ZNF385B: variants seen among roughly 807,000 people sequenced by gnomAD.
ZNF385B encodes the protein zinc finger protein 533.
ZNF385B carries 23 observed loss-of-function variants against 39.2 expected under a neutral mutation model. That is an observed-to-expected ratio of 0.59 (90% CI 0.42 to 0.83). The LOEUF is 0.83. Among genes scored for constraint, ZNF385B ranks in the 40% least tolerant of loss-of-function variants. The probability of loss-of-function intolerance (pLI) is 0.00; values close to 1 mark genes in which losing one functional copy is unlikely to be tolerated. For missense variants in ZNF385B, 552 were observed against 598.9 expected (o/e 0.92, Z 0.82); for synonymous variants, 205 against 222.6 (o/e 0.92, Z 0.70).
intron 3 of ZNF385B, among the ~76,000 whole-genome samples, chr2:179,661,642 G>A (rs573389976): frequency 1.3e-5 from 2 of 152,108 alleles, no homozygotes; most frequent in Non-Finnish European, 2.9e-5. Context: ...TCTAGGATGA[G>A]GATAATATCC....
intron 3 of ZNF385B, among the ~76,000 whole-genome samples, chr2:179,551,177 C>G (rs2060542019): frequency 6.6e-6 from 1 of 151,930 alleles, no homozygotes; most frequent in Non-Finnish European, 1.5e-5. Flanking sequence ...GGGTGCCGCC[C>G]TATTTGATAA....
At position 179,525,928 on chromosome 2, in the gene ZNF385B, T is replaced by A. The variant is rs542863589; in HGVS notation, c.442-7290A>T. Among the ~76,000 whole-genome samples the A allele has an allele frequency of 9.2e-5, 14 of 152,252 alleles. No individual in the cohort carries two copies. In the South Asian group the frequency reaches 2.9e-3, roughly 32 times the overall value. ...TTACTTTTTAAAAATCCTTGAAAAC[T>A]TCAATAGAAAGAAAACAGATACAGC... On this transcript the variant is annotated intron_variant, in intron 4 of 9. Coordinates refer to ENST00000410066, the MANE Select transcript of ZNF385B (RefSeq NM_152520.6).
intron 3 of ZNF385B, among the ~76,000 whole-genome samples, chr2:179,719,416 C>A (rs1446520759): frequency 6.6e-6 from 1 of 152,190 alleles, no homozygotes; most frequent in Non-Finnish European, 1.5e-5. Context: ...ATTACAAATA[C>A]ATCATGCTCC....
At chr2:179,583,278 G>A (rs1171858166) in intron 3 of ZNF385B, among the ~76,000 whole-genome samples, 2 of 152,102 alleles carry the variant, frequency 1.3e-5, no homozygotes, top group African/African-American at 4.8e-5. Flanking sequence ...AAGCAATCCT[G>A]TATTTCAGAC....
chr2:179,586,582 G>C (rs1163401159), intron 3 of ZNF385B, among the ~76,000 whole-genome samples: 1 of 152,204 alleles, frequency 6.6e-6, no homozygotes, highest in Admixed American at 6.5e-5. Context: ...GTTATATTCG[G>C]CTGCCACCCC....
intron 3 of ZNF385B, among the ~76,000 whole-genome samples, chr2:179,700,360 T>A (rs944181009): frequency 1.3e-5 from 2 of 152,160 alleles, no homozygotes; most frequent in Non-Finnish European, 2.9e-5. Context: ...ATCTAACTTT[T>A]CCAATGCCTG....
chr2:179,448,470 A>T (rs962430776), intron 6 of ZNF385B, among the ~76,000 whole-genome samples: 1 of 152,150 alleles, frequency 6.6e-6, no homozygotes, highest in African/African-American at 2.4e-5. Context: ...ATCTAAAAGA[A>T]TCTGATCTGT....
At chr2:179,708,950 C>G (rs1374027214) in intron 3 of ZNF385B, among the ~76,000 whole-genome samples, 7 of 152,200 alleles carry the variant, frequency 4.6e-5, no homozygotes, top group Admixed American at 1.3e-4. Flanking sequence ...ATAAGGTGGT[C>G]TCTGCAATGT....
chr2:179,632,134 C>A (rs2106193107), intron 3 of ZNF385B, among the ~76,000 whole-genome samples: 1 of 152,234 alleles, frequency 6.6e-6, no homozygotes, highest in East Asian at 1.9e-4. Context: ...CAATATTAGA[C>A]AGATCAATGA....
At position 179,623,722 on chromosome 2, in the gene ZNF385B, A is replaced by T. The variant is rs531671963; in HGVS notation, c.299-78753T>A. Among the ~76,000 whole-genome samples the T allele has an allele frequency of 9.1e-4, 139 of 152,068 alleles. 1 individual carries two copies. The highest frequency in any genetic ancestry group is 1.8e-3 in the Non-Finnish European group (120 of 68,010). On this transcript the variant is annotated intron_variant, in intron 3 of 9. Coordinates refer to ENST00000410066, the MANE Select transcript of ZNF385B (RefSeq NM_152520.6). ...AGGCTCTGGTTCTACTTCCCTGCTT[A>T]CCTTTGCTTTCTCCAATGTCCTGAA...
chr2:179,481,078 C>G (rs1574360619), intron 6 of ZNF385B: 1 of 152,138 alleles, frequency 6.6e-6, no homozygotes, highest in Non-Finnish European at 1.5e-5. Flanking sequence ...TTGTTTTCCT[C>G]TCTCCTGGGT....
intron 3 of ZNF385B, among the ~76,000 whole-genome samples, chr2:179,726,800 T>C (rs896964431): frequency 6.6e-6 from 1 of 152,076 alleles, no homozygotes; most frequent in African/African-American, 2.4e-5. Flanking sequence ...TCTATAGACA[T>C]CATCTTATGT....
At chr2:179,477,408 C>G (rs2053545790) in intron 6 of ZNF385B, among the ~76,000 whole-genome samples, 1 of 152,158 alleles carries the variant, frequency 6.6e-6, no homozygotes, top group Non-Finnish European at 1.5e-5. Flanking sequence ...ATACTGAAAA[C>G]TAAAATGAGC....
chr2:179,513,286 A>G (rs1455679706), intron 5 of ZNF385B, among the ~76,000 whole-genome samples: 2 of 152,246 alleles, frequency 1.3e-5, no homozygotes, highest in Admixed American at 6.5e-5. Context: ...TTATAGCACC[A>G]TTACTAAACA....
chr2:179,838,949 C>T (rs183771795), intron 1 of ZNF385B, among the ~76,000 whole-genome samples: 36 of 150,826 alleles, frequency 2.4e-4, no homozygotes, highest in Non-Finnish European at 4.4e-4. Context: ...CATTTTGCTG[C>T]TCCTTGCAAA....
chr2:179,738,637 T>A (rs1701907908), intron 3 of ZNF385B, among the ~76,000 whole-genome samples: 1 of 152,226 alleles, frequency 6.6e-6, no homozygotes, highest in Non-Finnish European at 1.5e-5. Flanking sequence ...TGGTTTTAAC[T>A]GAGGCTGCAC....
At chr2:179,486,000 G>T (rs2054528371) in intron 5 of ZNF385B, among the ~76,000 whole-genome samples, 1 of 151,824 alleles carries the variant, frequency 6.6e-6, no homozygotes, top group African/African-American at 2.4e-5. Flanking sequence ...TTCTCATGTT[G>T]TTCTCTGTCA....
At chr2:179,822,491 A>G (rs1707457361) in intron 1 of ZNF385B, among the ~76,000 whole-genome samples, 1 of 152,236 alleles carries the variant, frequency 6.6e-6, no homozygotes, top group Non-Finnish European at 1.5e-5. Context: ...CAGCAGCAAC[A>G]TAGACCTTGG....
chr2:179,652,422 A>G (rs1693277064), intron 3 of ZNF385B, among the ~76,000 whole-genome samples: 1 of 152,150 alleles, frequency 6.6e-6, no homozygotes, highest in African/African-American at 2.4e-5. Flanking sequence ...GTTTGTGCCA[A>G]TGGATTCTGG....
Sources: allele counts gnomAD v4.1 joint callset (sites outside exome capture counted in the v4.1 genomes callset), GRCh38; gene constraint gnomAD v4.1.1; transcripts MANE v1.5; gene names NCBI Gene and HGNC (gene_info 2026-07-23, HGNC 2026-07-21).